The following SORCS1 variants were observed in gnomAD, a reference collection of about 807,000 sequenced individuals.
SORCS1 encodes the protein sortilin related VPS10 domain containing receptor 1, also known as VPS10 domain-containing receptor SorCS1.
A neutral mutation model predicts 146.1 loss-of-function variants in SORCS1; 60 were observed. The ratio of observed to expected loss-of-function variants is 0.41; its 90% CI spans 0.33 to 0.51. The LOEUF is 0.51. SORCS1 is among the 20% of genes least tolerant of loss of function. The probability of loss-of-function intolerance (pLI) is 0.21; values close to 1 mark genes in which losing one functional copy is unlikely to be tolerated. For missense variants in SORCS1, 1,352 were observed against 1,487.6 expected (o/e 0.91, Z 1.50); for synonymous variants, 637 against 584.0 (o/e 1.09, Z -1.31).
chr10:107,095,233 G>A (rs1445943942), intron 1 of SORCS1, among the ~76,000 whole-genome samples: 1 of 152,146 alleles, frequency 6.6e-6, no homozygotes, highest in African/African-American at 2.4e-5. Flanking sequence ...TCTATCAGAG[G>A]GCTGATGCCA....
intron 1 of SORCS1, among the ~76,000 whole-genome samples, chr10:107,009,580 C>T (rs1357187873): frequency 6.6e-6 from 1 of 152,136 alleles, no homozygotes; most frequent in Non-Finnish European, 1.5e-5. Flanking sequence ...GATAAAATAT[C>T]TGGAATGACA....
intron 6 of SORCS1, among the ~76,000 whole-genome samples, chr10:106,726,265 T>G (rs1450025734): frequency 1.4e-5 from 2 of 145,034 alleles, no homozygotes; most frequent in Non-Finnish European, 3.0e-5. Flanking sequence ...GTAGATTTTT[T>G]TTTTCCTGTT....
At chr10:106,723,933 A>G (rs1855961097) in intron 6 of SORCS1, among the ~76,000 whole-genome samples, 1 of 152,188 alleles carries the variant, frequency 6.6e-6, no homozygotes, top group Admixed American at 6.5e-5. Context: ...TTAAATTTAA[A>G]TAAAGTTATT....
intron 6 of SORCS1, among the ~76,000 whole-genome samples, chr10:106,714,250 A>C (rs2135883456): frequency 6.6e-6 from 1 of 151,776 alleles, no homozygotes; most frequent in African/African-American, 2.4e-5. Context: ...CAACAAAGAT[A>C]TTTATCAGTG....
intron 1 of SORCS1, among the ~76,000 whole-genome samples, chr10:107,083,883 A>G (rs1455952976): frequency 6.6e-6 from 1 of 152,158 alleles, no homozygotes; most frequent in Non-Finnish European, 1.5e-5. Context: ...CCAAGGCTTT[A>G]GCATGGCCCT....
chr10:106,590,818 C>A (rs1845558094), intron 24 of SORCS1, among the ~76,000 whole-genome samples: 1 of 152,124 alleles, frequency 6.6e-6, no homozygotes, highest in African/African-American at 2.4e-5. Context: ...CCATGCCTGG[C>A]TAATTATTGT....
At chr10:106,832,652 C>G (rs1173498491) in intron 2 of SORCS1, among the ~76,000 whole-genome samples, 1 of 151,876 alleles carries the variant, frequency 6.6e-6, no homozygotes, top group African/African-American at 2.4e-5. Context: ...TCACAAGTTC[C>G]AGAACAAAAA....
intron 2 of SORCS1, among the ~76,000 whole-genome samples, chr10:106,890,043 G>C (rs1325570805): frequency 6.6e-6 from 1 of 151,980 alleles, no homozygotes; most frequent in African/African-American, 2.4e-5. Flanking sequence ...AAATTATCTG[G>C]GGTTTTTGTA....
At chr10:107,169,709 C>G in the SORCS1 span, among the ~76,000 whole-genome samples, 1 of 152,126 alleles carries the variant, frequency 6.6e-6, no homozygotes, top group Non-Finnish European at 1.5e-5. Flanking sequence ...GCAGTTTTTG[C>G]CTGTATCTTA....
At chr10:107,077,774 G>A (rs1417598408) in intron 1 of SORCS1, among the ~76,000 whole-genome samples, 1 of 151,894 alleles carries the variant, frequency 6.6e-6, no homozygotes, top group Non-Finnish European at 1.5e-5. Context: ...ACTATGCTTT[G>A]CTGCCTCCAG....
chr10:106,976,417 C>T (rs1280511095), intron 1 of SORCS1, among the ~76,000 whole-genome samples: 12 of 150,428 alleles, frequency 8.0e-5, no homozygotes, highest in Non-Finnish European at 1.3e-4. Flanking sequence ...CTGCAAGCTC[C>T]GCCTCCCGGG....
At chr10:106,643,276 G>T (rs973539951) in intron 18 of SORCS1, among the ~76,000 whole-genome samples, 2 of 152,166 alleles carry the variant, frequency 1.3e-5, no homozygotes, top group Non-Finnish European at 2.9e-5. Context: ...TCACAAACTG[G>T]AACAGTGGTG....
intron 2 of SORCS1, among the ~76,000 whole-genome samples, chr10:106,866,578 C>CA (rs1211606013): frequency 2.0e-5 from 3 of 152,104 alleles, no homozygotes; most frequent in African/African-American, 7.2e-5. Flanking sequence ...GATCTGCAGC[C>CA]AGAACTCAAG....
At chr10:106,801,306 G>A (rs1946858382) in intron 3 of SORCS1, among the ~76,000 whole-genome samples, 2 of 152,064 alleles carry the variant, frequency 1.3e-5, no homozygotes, top group Non-Finnish European at 2.9e-5. Context: ...GAAGGATAAA[G>A]TTTCTAAATA....
At chr10:106,631,416 T>A (rs1341631841) in intron 18 of SORCS1, among the ~76,000 whole-genome samples, 1 of 152,256 alleles carries the variant, frequency 6.6e-6, no homozygotes, top group Non-Finnish European at 1.5e-5. Context: ...CTTCTCATTC[T>A]GTTTCCAGTT....
intron 2 of SORCS1, among the ~76,000 whole-genome samples, chr10:106,946,667 G>A (rs982543434): frequency 2.6e-5 from 4 of 152,118 alleles, no homozygotes; most frequent in African/African-American, 4.8e-5. Flanking sequence ...TTAGCAGCAC[G>A]GGAACAGACT....
intron 1 of SORCS1, among the ~76,000 whole-genome samples, chr10:107,074,784 C>A (rs566646735): frequency 1.3e-5 from 2 of 152,102 alleles, no homozygotes; most frequent in Non-Finnish European, 2.9e-5. Context: ...ATTTGCATTT[C>A]CCTAATGAAA....
At chr10:106,759,558 C>T (rs1858918785) in intron 5 of SORCS1, among the ~76,000 whole-genome samples, 1 of 152,122 alleles carries the variant, frequency 6.6e-6, no homozygotes, top group African/African-American at 2.4e-5. Flanking sequence ...GTGATTTGTT[C>T]TTACTTTGCC....
chr10:106,993,265 G>A (rs1956849817), intron 1 of SORCS1, among the ~76,000 whole-genome samples: 1 of 152,184 alleles, frequency 6.6e-6, no homozygotes, highest in African/African-American at 2.4e-5. Context: ...GGAAATCTTT[G>A]TGCATGGGCT....
Sources: allele counts gnomAD v4.1 joint callset (sites outside exome capture counted in the v4.1 genomes callset), GRCh38; gene constraint gnomAD v4.1.1; transcripts MANE v1.5; gene names NCBI Gene and HGNC (gene_info 2026-07-23, HGNC 2026-07-21).